The following ATXN1 variants were observed in gnomAD, a reference collection of about 807,000 sequenced individuals.
ATXN1 encodes the protein ataxin 1.
In ATXN1, 8 loss-of-function variants were observed where a neutral mutation model predicts 56.4. That is an observed-to-expected ratio of 0.14 (90% CI 0.08 to 0.26). The LOEUF is 0.26. Ranked by LOEUF, ATXN1 falls within the 10% of genes least tolerant of loss-of-function variation. ATXN1 has a pLI of 1.00. For synonymous variants in ATXN1, 514 were observed against 494.6 expected, an observed-to-expected ratio of 1.04 and a Z score of -0.52; for missense variants, 987 against 1,106.5, an observed-to-expected ratio of 0.89 and a Z score of 1.53.
chr6:16,716,556 G>A (rs538674422), intron 2 of ATXN1, among the ~76,000 whole-genome samples: 11 of 152,234 alleles, frequency 7.2e-5, no homozygotes, highest in Non-Finnish European at 1.5e-4. Context: ...GCAGGGTTGT[G>A]GGGGTGCAAA....
chr6:16,623,227 G>GA (rs1323590405), intron 3 of ATXN1, among the ~76,000 whole-genome samples: 2 of 152,132 alleles, frequency 1.3e-5, no homozygotes, highest in Non-Finnish European at 2.9e-5. Context: ...CACCTAGAAG[G>GA]AAAATTGCTG....
At chr6:16,362,745 AT>A (rs3216219) in intron 6 of ATXN1, among the ~76,000 whole-genome samples, 100,579 of 151,674 alleles carry the variant, frequency 0.66, 34,390 homozygotes, top group Admixed American at 0.78. Context: ...AAGGTTCTCT[AT>A]TCATATAGAT....
chr6:16,638,449 A>G (rs1294201079), intron 3 of ATXN1, among the ~76,000 whole-genome samples: 1 of 147,944 alleles, frequency 6.8e-6, no homozygotes, highest in African/African-American at 2.6e-5. Context: ...CTGCCTCAAA[A>G]AAAAAAAAAA....
chr6:16,739,858 G>C, intron 2 of ATXN1: 1 of 456,942 alleles, frequency 2.2e-6, no homozygotes, highest in Non-Finnish European at 4.4e-6. Context: ...AAGTCCCGGG[G>C]ACTTCCAACG....
chr6:16,565,312 T>G (rs1168238239), intron 4 of ATXN1, among the ~76,000 whole-genome samples: 2 of 152,154 alleles, frequency 1.3e-5, no homozygotes, highest in Non-Finnish European at 2.9e-5. Context: ...ATCCACCTAA[T>G]AGGCCACATC....
At chr6:16,717,389 G>A (rs1759660531) in intron 2 of ATXN1, among the ~76,000 whole-genome samples, 2 of 152,296 alleles carry the variant, frequency 1.3e-5, no homozygotes, top group South Asian at 4.1e-4. Context: ...TGTTTGCTTG[G>A]TGCCACTTAA....
chr6:16,655,140 A>C (rs1365421080), intron 3 of ATXN1, among the ~76,000 whole-genome samples: 1 of 152,204 alleles, frequency 6.6e-6, no homozygotes, highest in African/African-American at 2.4e-5. Flanking sequence ...TAACACAATG[A>C]CGGCAAGCAC....
chr6:16,693,432 G>C (rs1045666723), intron 2 of ATXN1, among the ~76,000 whole-genome samples: 2 of 152,146 alleles, frequency 1.3e-5, no homozygotes, highest in Admixed American at 6.5e-5. Context: ...GCTAAAAAGT[G>C]CTATATATAC....
At chr6:16,335,378 T>C (rs943753039) in intron 6 of ATXN1, among the ~76,000 whole-genome samples, 6 of 152,198 alleles carry the variant, frequency 3.9e-5, no homozygotes, top group African/African-American at 1.4e-4. Flanking sequence ...TAGAAGATGC[T>C]GTCTGAGAGC....
chr6:16,597,399 G>C (rs1762834494), intron 3 of ATXN1, among the ~76,000 whole-genome samples: 1 of 151,884 alleles, frequency 6.6e-6, no homozygotes, highest in South Asian at 2.1e-4. Context: ...TGCCTCACAT[G>C]GTTGAGAATA....
chr6:16,522,906 A>C (rs1761320970), intron 4 of ATXN1, among the ~76,000 whole-genome samples: 1 of 152,224 alleles, frequency 6.6e-6, no homozygotes, highest in Non-Finnish European at 1.5e-5. Flanking sequence ...TGTAGAGAAC[A>C]ATCACAGGCA....
intron 3 of ATXN1, among the ~76,000 whole-genome samples, chr6:16,646,546 C>T (rs1763800878): frequency 6.6e-6 from 1 of 152,232 alleles, no homozygotes; most frequent in Admixed American, 6.5e-5. Flanking sequence ...ACTGTTCCAC[C>T]TCACACACCT....
chr6:16,586,998 C>T (rs1023848979), intron 3 of ATXN1, among the ~76,000 whole-genome samples: 5 of 150,364 alleles, frequency 3.3e-5, no homozygotes, highest in African/African-American at 1.2e-4. Context: ...AGCCTGGTGA[C>T]AAAGCAAGAC....
At chr6:16,650,541 G>A (rs1236973792) in intron 3 of ATXN1, among the ~76,000 whole-genome samples, 1 of 152,188 alleles carries the variant, frequency 6.6e-6, no homozygotes, top group Non-Finnish European at 1.5e-5. Context: ...TAATCAATGT[G>A]TTTGCACAAT....
At chr6:16,447,352 G>A (rs1258337547) in intron 6 of ATXN1, among the ~76,000 whole-genome samples, 1 of 152,076 alleles carries the variant, frequency 6.6e-6, no homozygotes, top group Non-Finnish European at 1.5e-5. Flanking sequence ...AGCCTCCTGA[G>A]TAGCTGGTAT....
intron 7 of ATXN1, among the ~76,000 whole-genome samples, chr6:16,323,242 TG>T (rs537472661): frequency 4.6e-5 from 7 of 152,240 alleles, no homozygotes; most frequent in Admixed American, 3.9e-4. Flanking sequence ...TGTAAGGGGC[TG>T]GGCGCAGTGG....
At chr6:16,386,636 G>A (rs1158569998) in intron 6 of ATXN1, among the ~76,000 whole-genome samples, 1 of 152,108 alleles carries the variant, frequency 6.6e-6, no homozygotes, top group Non-Finnish European at 1.5e-5. Flanking sequence ...CCAGGGCTGG[G>A]TCTCTGACAC....
At chr6:16,415,641 T>G (rs756489198) in intron 6 of ATXN1, among the ~76,000 whole-genome samples, 23 of 152,132 alleles carry the variant, frequency 1.5e-4, no homozygotes, top group Non-Finnish European at 2.1e-4. Context: ...TGTGAGTGAG[T>G]CCTGCCTGGT....
At chr6:16,751,280 T>C (rs766880840) in intron 2 of ATXN1, among the ~76,000 whole-genome samples, 2 of 152,180 alleles carry the variant, frequency 1.3e-5, no homozygotes, top group Admixed American at 6.5e-5. Flanking sequence ...ACCCTACCTT[T>C]TTCATTCAGC....
Sources: allele counts gnomAD v4.1 joint callset (sites outside exome capture counted in the v4.1 genomes callset), GRCh38; gene constraint gnomAD v4.1.1; transcripts MANE v1.5; gene names NCBI Gene and HGNC (gene_info 2026-07-23, HGNC 2026-07-21).